Variants in PARD3B observed in about 807,000 individuals in gnomAD.
The protein encoded by PARD3B is par-3 family cell polarity regulator beta.
In PARD3B, 103 loss-of-function variants were observed where a neutral mutation model predicts 130.2. The observed-to-expected ratio is 0.79, with a 90% CI of 0.67 to 0.93. PARD3B has a LOEUF of 0.93. PARD3B is among the 40% of genes least tolerant of loss of function. PARD3B has a pLI of 0.00. For missense variants in PARD3B, 1,609 were observed against 1,499.2 expected (o/e 1.07, Z -1.21); for synonymous variants, 583 against 553.2 (o/e 1.05, Z -0.76).
At chr2:204,745,905 C>T (rs925748482) in intron 2 of PARD3B, among the ~76,000 whole-genome samples, 4 of 151,862 alleles carry the variant, frequency 2.6e-5, no homozygotes, top group Non-Finnish European at 4.4e-5. Context: ...CCTCTTCATT[C>T]CTTTGTTTTT....
chr2:204,872,240 T>C (rs1011761964), intron 2 of PARD3B, among the ~76,000 whole-genome samples: 1 of 152,072 alleles, frequency 6.6e-6, no homozygotes, highest in Non-Finnish European at 1.5e-5. Flanking sequence ...ATTTTATACA[T>C]ACACATTTTA....
chr2:204,801,444 G>A (rs1490714549), intron 2 of PARD3B, among the ~76,000 whole-genome samples: 1 of 152,072 alleles, frequency 6.6e-6, no homozygotes, highest in Non-Finnish European at 1.5e-5. Flanking sequence ...CTTGTAAGTT[G>A]TATACCTAGG....
At position 204,733,712 on chromosome 2, in the gene PARD3B, T is replaced by C. The variant is rs2039622354; in HGVS notation, c.222+47430T>C. Among the ~76,000 whole-genome samples, 4 of 152,048 alleles carry C rather than the reference T, an allele frequency of 2.6e-5. No homozygotes were observed. In the South Asian group the frequency reaches 8.3e-4, roughly 31 times the overall value. ...TTAGAAGATAGATCAATAACTTGAATAGAATCCCCAAATAGACCACAGTTA... is the reference window on the plus strand; with the variant it reads ...TTAGAAGATAGATCAATAACTTGAACAGAATCCCCAAATAGACCACAGTTA... On this transcript the variant is annotated intron_variant, in intron 2 of 22. Coordinates refer to ENST00000406610, the MANE Select transcript of PARD3B (RefSeq NM_001302769.2).
In PARD3B at chr2:205,458,190, GTTC is replaced by G. The variant is rs2048336797; in HGVS notation, c.3044+17522_3044+17524del. ...GAGCTTCTTAAATCTGTGCTTTAGT[GTTC>G]TTCATCATCTTTGAAAAATTCTCAG... On this transcript the variant is annotated intron_variant, in intron 20 of 22. Coordinates refer to ENST00000406610, the MANE Select transcript of PARD3B (RefSeq NM_001302769.2). The surrounding 1 kb of genome is among the most constrained non-coding windows in gnomAD (Gnocchi z 4.8). 6.6e-6 allele frequency among the ~76,000 whole-genome samples: 1 copy of G among 152,142 alleles called. No homozygotes were observed. Among genetic ancestry groups the G allele is most frequent in the South Asian group, 2.1e-4 (1 of 4,820 alleles).
At chr2:204,842,773 T>C (rs1000333556) in intron 2 of PARD3B, among the ~76,000 whole-genome samples, 1 of 152,166 alleles carries the variant, frequency 6.6e-6, no homozygotes, top group African/African-American at 2.4e-5. Flanking sequence ...AATCGCTCTG[T>C]ACAGCAGGCC....
chr2:204,726,027 C>T (rs895462840), intron 2 of PARD3B, among the ~76,000 whole-genome samples: 3 of 152,298 alleles, frequency 2.0e-5, no homozygotes, highest in Admixed American at 6.5e-5. Flanking sequence ...CAAACAGTGG[C>T]TATTAACATT....
At chr2:205,468,827 A>G (rs1027668187) in intron 20 of PARD3B, among the ~76,000 whole-genome samples, 2 of 152,242 alleles carry the variant, frequency 1.3e-5, no homozygotes, top group African/African-American at 2.4e-5. Flanking sequence ...CCTTTAACAA[A>G]TGCCTCTCAA....
At chr2:205,133,532 A>G (rs1161244357) in intron 10 of PARD3B, among the ~76,000 whole-genome samples, 1 of 152,202 alleles carries the variant, frequency 6.6e-6, no homozygotes, top group Non-Finnish European at 1.5e-5. Flanking sequence ...AACCATTGGA[A>G]TAGTGGTTTC....
intron 20 of PARD3B, among the ~76,000 whole-genome samples, chr2:205,443,903 G>A (rs906175585): frequency 9.8e-5 from 15 of 152,286 alleles, no homozygotes; most frequent in South Asian, 4.1e-4. Flanking sequence ...TTGGGAGTCC[G>A]GGGTAAGGGG....
At chr2:205,245,722 A>C in intron 15 of PARD3B, 56 bp from the exon 16 acceptor site, 2 of 1,373,822 alleles carry the variant, frequency 1.5e-6, no homozygotes, top group Non-Finnish European at 2.0e-6. Flanking sequence ...ACTGTTTAAA[A>C]ATTGTCTGAT....
chr2:205,451,073 T>C (rs2048084687), intron 20 of PARD3B, among the ~76,000 whole-genome samples: 1 of 152,186 alleles, frequency 6.6e-6, no homozygotes, highest in Non-Finnish European at 1.5e-5. Context: ...AACAGAAAAC[T>C]CAGCTGATAC....
Position 205,293,663 on chromosome 2 carries a change from G to C in PARD3B, c.2186-6867G>C, listed in dbSNP as rs143963417. On this transcript the variant is annotated intron_variant, in intron 16 of 22. Transcript: ENST00000406610. ...GTAGGGCAGTAATTATTAAATCATT[G>C]AAAGTATGTAAAAGAACCTAAGGGT... The C allele has an allele frequency of 1.2e-4, 19 of 152,310 alleles. No individual in the cohort carries two copies. In the East Asian group the frequency reaches 2.7e-3, roughly 22 times the overall value. 9.4% of individuals were successfully genotyped at this position (152,310 alleles called of 1,614,324 possible). A position where few individuals can be genotyped will look rare whatever the true frequency, so the allele number is the denominator to read the frequency against.
intron 16 of PARD3B, among the ~76,000 whole-genome samples, chr2:205,248,625 T>C (rs73068908): frequency 7.2e-6 from 1 of 139,458 alleles, no homozygotes; most frequent in African/African-American, 2.8e-5. Flanking sequence ...TTTTTTTTTT[T>C]TGAGACGGAG....
chr2:205,522,481 T>C (rs1445817115), intron 21 of PARD3B, among the ~76,000 whole-genome samples: 2 of 152,052 alleles, frequency 1.3e-5, no homozygotes, highest in South Asian at 2.1e-4. Flanking sequence ...TGGCATAATA[T>C]ATGGTAACTA....
At chr2:205,103,406 ATATT>A (rs1447273345) in intron 4 of PARD3B, among the ~76,000 whole-genome samples, 1 of 144,092 alleles carries the variant, frequency 6.9e-6, no homozygotes, top group African/African-American at 2.5e-5. Flanking sequence ...TATAAATAAA[ATATT>A]TATAGATATA....
Position 205,530,656 on chromosome 2 carries a change from CGT to C in PARD3B, c.3181-22660_3181-22659del, listed in dbSNP as rs2051550936. Among the ~76,000 whole-genome samples, 4 of 152,168 alleles carry C rather than the reference CGT, an allele frequency of 2.6e-5. No homozygotes were observed. The South Asian group carries it at 8.3e-4, about 32-fold the overall frequency. On this transcript the variant is annotated intron_variant, in intron 21 of 22. Transcript: ENST00000406610. This position sits in a 1 kb window ranked among gnomAD's most constrained non-coding sequence, Gnocchi z 4.7. ...TCAGAGAGGGGCAAAATGTCTCTGG[CGT>C]GTGTGTGGTTAGCAGGGTAAGAGCT... is the stretch of plus-strand genomic sequence containing the variant.
chr2:204,890,664 C>A lies in PARD3B; in HGVS notation c.223-74488C>A, dbSNP rs1248209809. Among the ~76,000 whole-genome samples, 1 of 152,126 alleles carries A rather than the reference C, an allele frequency of 6.6e-6. No individual in the cohort carries two copies. The highest frequency in any genetic ancestry group is 1.5e-5 in the Non-Finnish European group (1 of 68,028). On this transcript the variant is annotated intron_variant, in intron 2 of 22. Transcript: ENST00000406610. This position sits in a 1 kb window ranked among gnomAD's most constrained non-coding sequence, Gnocchi z 4.9. ...CCAGGAGAAAACCAGGACACATGCACAACGGTAAGTGTCACAAAGTGACAA... is the reference window on the plus strand; with the variant it reads ...CCAGGAGAAAACCAGGACACATGCAAAACGGTAAGTGTCACAAAGTGACAA...
At chr2:204,660,699 A>G (rs1415438916) in intron 1 of PARD3B, among the ~76,000 whole-genome samples, 1 of 152,064 alleles carries the variant, frequency 6.6e-6, no homozygotes, top group African/African-American at 2.4e-5. Context: ...TACTCTTCCT[A>G]TTTGGTGATT....
chr2:204,585,951 C>G (rs2032804371), intron 1 of PARD3B, among the ~76,000 whole-genome samples: 1 of 152,130 alleles, frequency 6.6e-6, no homozygotes. Flanking sequence ...ACAGATCTTA[C>G]TTTACTATAT....
Sources: gnomAD v4.1 joint callset for allele counts (sites outside exome capture counted in the v4.1 genomes callset) on GRCh38, gnomAD v4.1.1 for gene constraint, Gnocchi (gnomAD v3.1) non-coding constraint, MANE v1.5 for transcripts, NCBI Gene and HGNC (gene_info 2026-07-23, HGNC 2026-07-21) for gene names.